WDPCP: variants seen among roughly 807,000 people sequenced by gnomAD.
WDPCP encodes the protein WD repeat containing planar cell polarity effector, also known as WD repeat-containing and planar cell polarity effector protein fritz homolog.
Under a neutral mutation model 93.1 loss-of-function variants are expected in WDPCP, and 71 were observed. The ratio of observed to expected loss-of-function variants is 0.76; its 90% CI spans 0.63 to 0.93. The LOEUF (loss-of-function observed/expected upper bound fraction) is 0.93, where lower values mean the gene tolerates loss of function less well. Among genes scored for constraint, WDPCP ranks in the 40% least tolerant of loss-of-function variants. The probability of loss-of-function intolerance (pLI) is 0.00; values close to 1 mark genes in which losing one functional copy is unlikely to be tolerated. For missense variants in WDPCP, 844 were observed against 887.4 expected (o/e 0.95, Z 0.62); for synonymous variants, 315 against 315.0 (o/e 1.00, Z 0.00).
chr2:63,634,342 T>C (rs1309227653), intron 3 of WDPCP, among the ~76,000 whole-genome samples: 3 of 152,312 alleles, frequency 2.0e-5, no homozygotes, highest in South Asian at 4.1e-4. Context: ...ATTGTAAATA[T>C]GCACCCAGTA....
At chr2:63,378,955 G>A (rs1475517899) in intron 11 of WDPCP, among the ~76,000 whole-genome samples, 1 of 152,030 alleles carries the variant, frequency 6.6e-6, no homozygotes, top group Non-Finnish European at 1.5e-5. Flanking sequence ...CAAATAAACA[G>A]GCATATTGGA....
intron 12 of WDPCP, among the ~76,000 whole-genome samples, chr2:63,372,208 G>A (rs1371999142): frequency 2.0e-5 from 3 of 152,074 alleles, no homozygotes; most frequent in African/African-American, 7.2e-5. Flanking sequence ...TCATGAGGGT[G>A]GATGCCTTAT....
At chr2:63,578,213 A>T (rs1357463749) in intron 1 of WDPCP, among the ~76,000 whole-genome samples, 1 of 152,190 alleles carries the variant, frequency 6.6e-6, no homozygotes, top group Non-Finnish European at 1.5e-5. Context: ...AATTACTGGA[A>T]ATCCTTGTCC....
At chr2:63,563,418 T>C (rs1706781403) in intron 1 of WDPCP, among the ~76,000 whole-genome samples, 1 of 151,902 alleles carries the variant, frequency 6.6e-6, no homozygotes, top group Non-Finnish European at 1.5e-5. Context: ...TTATCACTGA[T>C]TAGAGGTTCT....
chr2:63,175,908 C>T (rs1404306643), intron 14 of WDPCP, among the ~76,000 whole-genome samples: 1 of 152,142 alleles, frequency 6.6e-6, no homozygotes, highest in Non-Finnish European at 1.5e-5. Context: ...GTGCAGATAT[C>T]TCCGAGACCC....
intron 3 of WDPCP, among the ~76,000 whole-genome samples, chr2:63,606,534 C>G (rs1709533170): frequency 6.6e-6 from 1 of 152,196 alleles, no homozygotes; most frequent in South Asian, 2.1e-4. Flanking sequence ...GCTCTTCCCA[C>G]TAGACACTAT....
intron 1 of WDPCP, among the ~76,000 whole-genome samples, chr2:63,526,689 T>C (rs1703363244): frequency 6.6e-6 from 1 of 152,244 alleles, no homozygotes; most frequent in Admixed American, 6.5e-5. Context: ...GGTTTTTACA[T>C]GGCTGGCTGC....
chr2:63,820,293 G>A (rs1660916046), intron 1 of WDPCP, among the ~76,000 whole-genome samples: 1 of 152,012 alleles, frequency 6.6e-6, no homozygotes. Context: ...ATAAATTTTT[G>A]TATCATGGCT....
chr2:63,811,895 A>T (rs1338869260), intron 2 of WDPCP, among the ~76,000 whole-genome samples: 1 of 151,942 alleles, frequency 6.6e-6, no homozygotes, highest in Non-Finnish European at 1.5e-5. Context: ...ACAGGGTCGC[A>T]CTCTATCACC....
chr2:63,313,884 A>ATGTGTGTGTG lies in WDPCP; in HGVS notation c.1749-574_1749-573insCACACACACA, dbSNP rs1165930717. On this transcript the variant is annotated intron_variant, in intron 12 of 17. Coordinates refer to ENST00000272321, the MANE Select transcript of WDPCP (RefSeq NM_015910.7). ...TATATATATATATATATATATATAT[A>ATGTGTGTGTG]TATTTTTTTTTTTTTGGAGATGGAG... Among the ~76,000 whole-genome samples the ATGTGTGTGTG allele has an allele frequency of 0.028, 221 of 8,010 alleles. 3 individuals are homozygous for ATGTGTGTGTG. The East Asian group carries it at 0.28, about 10-fold the overall frequency. The allele number at this position is 8,010 out of a possible 152,430, so 5.3% of individuals were successfully genotyped here.
intron 1 of WDPCP, among the ~76,000 whole-genome samples, chr2:63,494,696 G>T (rs896764986): frequency 1.3e-5 from 2 of 151,992 alleles, no homozygotes; most frequent in African/African-American, 4.8e-5. Context: ...CGAGGCGGGG[G>T]GATCACAAGG....
At chr2:63,597,412 A>C (rs769061789) in intron 3 of WDPCP, 8 of 1,435,692 alleles carry the variant, frequency 5.6e-6, no homozygotes, top group Non-Finnish European at 7.4e-6. Context: ...TCATCGCAAC[A>C]GATAAAGAAG....
At chr2:63,607,028 C>CT in intron 3 of WDPCP, 1 of 1,571,414 alleles carries the variant, frequency 6.4e-7, no homozygotes, top group South Asian at 1.2e-5. Flanking sequence ...GCTGAAGAAT[C>CT]TAAATGTCGT....
chr2:63,635,147 A>G (rs1180683072), intron 3 of WDPCP, among the ~76,000 whole-genome samples: 1 of 152,164 alleles, frequency 6.6e-6, no homozygotes, highest in African/African-American at 2.4e-5. Context: ...ATTCCTAGAA[A>G]CATACAAACT....
At chr2:63,147,600 AC>A (rs1206205428) in intron 17 of WDPCP, among the ~76,000 whole-genome samples, 2 of 152,180 alleles carry the variant, frequency 1.3e-5, no homozygotes, top group Non-Finnish European at 2.9e-5. Flanking sequence ...AAAAACATTC[AC>A]GATAGAATTC....
At chr2:63,439,996 A>T in intron 6 of WDPCP, 125 bp from the exon 7 acceptor site, 1 of 688,050 alleles carries the variant, frequency 1.5e-6, no homozygotes, top group Non-Finnish European at 2.6e-6. Flanking sequence ...CTACAAAATT[A>T]TAAAGATTTT....
At chr2:63,341,306 T>C (rs1475978971) in intron 12 of WDPCP, among the ~76,000 whole-genome samples, 1 of 152,122 alleles carries the variant, frequency 6.6e-6, no homozygotes, top group African/African-American at 2.4e-5. Flanking sequence ...TTTTTGTATT[T>C]TTAGTAGAGA....
chr2:63,344,149 T>C (rs1689034176), intron 12 of WDPCP, among the ~76,000 whole-genome samples: 2 of 152,196 alleles, frequency 1.3e-5, no homozygotes, highest in Admixed American at 1.3e-4. Flanking sequence ...ATTATTTCCC[T>C]CTCCATGGTT....
chr2:63,211,033 G>A (rs367817714), intron 14 of WDPCP, among the ~76,000 whole-genome samples: 3 of 152,344 alleles, frequency 2.0e-5, no homozygotes, highest in East Asian at 3.9e-4. Context: ...CTGGGGGGCA[G>A]GGCATAGCTG....
Sources: gnomAD v4.1 joint callset for allele counts (sites outside exome capture counted in the v4.1 genomes callset) on GRCh38, gnomAD v4.1.1 for gene constraint, MANE v1.5 for transcripts, NCBI Gene and HGNC (gene_info 2026-07-23, HGNC 2026-07-21) for gene names.